The following NALF1 variants were observed in gnomAD, a reference collection of about 807,000 sequenced individuals.
The protein encoded by NALF1 is family with sequence similarity 155 member A.
NALF1 carries 3 observed loss-of-function variants against 48.4 expected under a neutral mutation model. The ratio of observed to expected loss-of-function variants is 0.06; its 90% confidence interval spans 0.03 to 0.16. The LOEUF is 0.16. NALF1 is among the 10% of genes least tolerant of loss of function. The probability of loss-of-function intolerance (pLI) is 1.00; values close to 1 mark genes in which losing one functional copy is unlikely to be tolerated. For synonymous variants in NALF1, 262 were observed against 245.7 expected (o/e 1.07, Z -0.62); for missense variants, 526 against 571.5 (o/e 0.92, Z 0.81).
At chr13:107,663,954 C>CT (rs1300850408) in intron 1 of NALF1, among the ~76,000 whole-genome samples, 1 of 152,152 alleles carries the variant, frequency 6.6e-6, no homozygotes, top group African/African-American at 2.4e-5. Flanking sequence ...ACTGCACCCA[C>CT]TACCATAGCT....
At chr13:107,843,184 T>C (rs1432380020) in intron 1 of NALF1, among the ~76,000 whole-genome samples, 2 of 152,208 alleles carry the variant, frequency 1.3e-5, no homozygotes, top group African/African-American at 4.8e-5. Flanking sequence ...ATGCTCCAGA[T>C]AGTATTCTAA....
chr13:107,767,233 CTAAAGT>C (rs1273564913), intron 1 of NALF1, among the ~76,000 whole-genome samples: 6 of 152,106 alleles, frequency 3.9e-5, no homozygotes, highest in Non-Finnish European at 8.8e-5. Flanking sequence ...AGGAGTTTTT[CTAAAGT>C]TAAAGTCACA....
chr13:107,601,465 T>C lies in NALF1; in HGVS notation c.915+264217A>G, dbSNP rs191064106. Among the ~76,000 whole-genome samples, 29 of 152,336 alleles carry C rather than the reference T, an allele frequency of 1.9e-4. No homozygotes were observed. The East Asian group carries it at 5.0e-3, about 26-fold the overall frequency. The stretch of plus-strand genomic sequence containing the variant: ...ACTTTCCTGTGCTCTTCTGCAAGAA[T>C]GGATTCAGCTCACCTCTAGGCGCTC... On this transcript the variant is annotated intron_variant, in intron 1 of 2. Coordinates refer to ENST00000375915, the MANE Select transcript of NALF1 (RefSeq NM_001080396.3).
intron 1 of NALF1, among the ~76,000 whole-genome samples, chr13:107,369,723 A>C (rs1883216357): frequency 1.3e-5 from 2 of 152,192 alleles, no homozygotes; most frequent in East Asian, 3.8e-4. Context: ...TACAGTTTTT[A>C]AGAAGAGAAA....
chr13:107,661,744 T>C (rs1026459291), intron 1 of NALF1, among the ~76,000 whole-genome samples: 10 of 152,178 alleles, frequency 6.6e-5, no homozygotes, highest in African/African-American at 1.2e-4. Flanking sequence ...CCAATTCACA[T>C]TGAGGCAATT....
chr13:107,254,822 C>T (rs1880779663), intron 1 of NALF1, among the ~76,000 whole-genome samples: 1 of 152,296 alleles, frequency 6.6e-6, no homozygotes, highest in African/African-American at 2.4e-5. Flanking sequence ...GCTATAACTA[C>T]AGCTATTGCT....
intron 1 of NALF1, among the ~76,000 whole-genome samples, chr13:107,704,197 C>T (rs1401804082): frequency 6.6e-6 from 1 of 152,130 alleles, no homozygotes; most frequent in East Asian, 1.9e-4. Context: ...TGTGCGAGTT[C>T]CCCACTACCC....
At chr13:107,250,010 G>T (rs564379530) in intron 1 of NALF1, among the ~76,000 whole-genome samples, 2 of 151,646 alleles carry the variant, frequency 1.3e-5, no homozygotes, top group South Asian at 4.2e-4. Flanking sequence ...CCTAATCAGA[G>T]CAATTAAAAC....
intron 1 of NALF1, among the ~76,000 whole-genome samples, chr13:107,328,578 C>T (rs1404696063): frequency 6.6e-6 from 1 of 152,086 alleles, no homozygotes; most frequent in Non-Finnish European, 1.5e-5. Flanking sequence ...TCTCTGCTCT[C>T]CTCTCTCTCT....
intron 2 of NALF1, among the ~76,000 whole-genome samples, chr13:107,197,131 T>C (rs1879407897): frequency 6.6e-6 from 1 of 152,148 alleles, no homozygotes; most frequent in Admixed American, 6.5e-5. Flanking sequence ...GGGCAAATGA[T>C]GTCCTCCACC....
chr13:107,436,805 G>A (rs925765265), intron 1 of NALF1, among the ~76,000 whole-genome samples: 2 of 152,114 alleles, frequency 1.3e-5, no homozygotes, highest in African/African-American at 4.8e-5. Flanking sequence ...CAGATGACAT[G>A]ATTGTTTATG....
At chr13:107,175,553 G>A (rs1024468973) in intron 2 of NALF1, among the ~76,000 whole-genome samples, 1 of 152,082 alleles carries the variant, frequency 6.6e-6, no homozygotes, top group Non-Finnish European at 1.5e-5. Flanking sequence ...TTTTGGTTGG[G>A]ACTGCCTAGA....
intron 1 of NALF1, among the ~76,000 whole-genome samples, chr13:107,729,788 A>G (rs1231485291): frequency 6.6e-6 from 1 of 152,158 alleles, no homozygotes. Flanking sequence ...CCTTTGATGC[A>G]TTTTTAATTT....
intron 1 of NALF1, among the ~76,000 whole-genome samples, chr13:107,228,925 G>A (rs549969889): frequency 6.6e-6 from 1 of 152,012 alleles, no homozygotes. Context: ...CCGCCTGGGT[G>A]CTGGTACCTC....
At chr13:107,269,867 C>G (rs1881120186) in intron 1 of NALF1, among the ~76,000 whole-genome samples, 1 of 149,920 alleles carries the variant, frequency 6.7e-6, no homozygotes, top group African/African-American at 2.5e-5. Flanking sequence ...CCTGCCTCAG[C>G]CTTGGAGTAG....
chr13:107,581,137 C>T (rs1878294768), intron 1 of NALF1, among the ~76,000 whole-genome samples: 1 of 152,110 alleles, frequency 6.6e-6, no homozygotes, highest in Non-Finnish European at 1.5e-5. Context: ...GTTGTTTGTT[C>T]CTCGGACGCA....
At chr13:107,260,116 G>C (rs1390254348) in intron 1 of NALF1, among the ~76,000 whole-genome samples, 1 of 152,218 alleles carries the variant, frequency 6.6e-6, no homozygotes, top group East Asian at 1.9e-4. Flanking sequence ...CATAAGCTAA[G>C]ATAGGAGTAG....
chr13:107,291,732 T>C (rs9514649), intron 1 of NALF1, among the ~76,000 whole-genome samples: 80,414 of 151,968 alleles, frequency 0.53, 21,533 homozygotes, highest in East Asian at 0.62. Flanking sequence ...AAATCAAAGA[T>C]GTAACATTAC....
chr13:107,175,066 T>G lies in NALF1; in HGVS notation c.1088-4280A>C, dbSNP rs1486791895. ...GCCCGGCTAACTTTTTTTTTTTGTA[T>G]TTTTAGTAGAGACGGGGTTTCATCG... On this transcript the variant is annotated intron_variant, in intron 2 of 2. Coordinates refer to ENST00000375915, the MANE Select transcript of NALF1 (RefSeq NM_001080396.3). 2.8e-5 allele frequency among the ~76,000 whole-genome samples: 3 copies of G among 106,330 alleles called. 1 individual carries two copies. Among genetic ancestry groups the G allele is most frequent in the African/African-American group, 1.2e-4 (3 of 24,542 alleles). 69.8% of individuals were successfully genotyped at this position (106,330 alleles called of 152,430 possible).
Sources: gnomAD v4.1 joint callset for allele counts (sites outside exome capture counted in the v4.1 genomes callset) on GRCh38, gnomAD v4.1.1 for gene constraint, MANE v1.5 for transcripts, NCBI Gene and HGNC (gene_info 2026-07-23, HGNC 2026-07-21) for gene names.